The following EPG5 variants were observed in gnomAD, a reference collection of about 807,000 sequenced individuals.
EPG5 encodes ectopic P granules protein 5 homolog.
EPG5 carries 159 observed loss-of-function variants against 302.7 expected under a neutral mutation model. The ratio of observed to expected loss-of-function variants is 0.53; its 90% CI spans 0.46 to 0.60. The LOEUF is 0.60. EPG5 is among the 20% of genes least tolerant of loss of function. EPG5 has a pLI of 0.00. For missense variants in EPG5, 2,896 were observed against 3,092.4 expected (o/e 0.94, Z 1.51); for synonymous variants, 1,158 against 1,136.8 (o/e 1.02, Z -0.37).
chr18:45,899,287 T>G, intron 27 of EPG5, 117 bp downstream of exon 27: 2 of 1,230,750 alleles, frequency 1.6e-6, no homozygotes, highest in Non-Finnish European at 2.3e-6. Flanking sequence ...GCAAAACTAG[T>G]AAATGTTTGG....
intron 27 of EPG5, among the ~76,000 whole-genome samples, chr18:45,896,234 C>T (rs950203699): frequency 6.6e-6 from 1 of 152,178 alleles, no homozygotes; most frequent in Non-Finnish European, 1.5e-5. Flanking sequence ...GGCAAATCTG[C>T]GTTATCAGGC....
At chr18:45,951,040 ATAATTCC>A in intron 4 of EPG5, 55 bp downstream of exon 4, 1 of 1,321,090 alleles carries the variant, frequency 7.6e-7, no homozygotes, top group Non-Finnish European at 1.0e-6. Context: ...GATATAACAG[ATAATTCC>A]TAAATTATGA....
At chr18:45,839,750 A>G in the EPG5 span, among the ~76,000 whole-genome samples, 1 of 152,190 alleles carries the variant, frequency 6.6e-6, no homozygotes, top group South Asian at 2.1e-4. Context: ...TGGATTGACT[A>G]ACAGGGTGTC....
chr18:45,818,742 T>TTG, the EPG5 span, among the ~76,000 whole-genome samples: 1 of 147,586 alleles, frequency 6.8e-6, no homozygotes, highest in Admixed American at 6.8e-5. Flanking sequence ...CTTTTTTTTT[T>TTG]TTTTTTTTTG....
intron 36 of EPG5, among the ~76,000 whole-genome samples, chr18:45,870,275 G>T (rs113940343): frequency 1.3e-5 from 2 of 152,106 alleles, no homozygotes; most frequent in Non-Finnish European, 2.9e-5. Context: ...CCAAGATTAA[G>T]CATAACGGAG....
rs979354405 is a variant in EPG5, at chr18:45,880,204, C to G, written c.5538G>C (p.Leu1846=). Residue 1846 remains leucine, a synonymous_variant, in exon 32 of 44, where the codon CTG becomes CTC. Transcript: ENST00000282041. ...LLMQSSAEQL[L]SPECWKATLR... ...GAGTGGCCTTCCAACACTCGGGGCTCAGAAGCTGCTCCGCGGAGCCTGCCA... is the reference window on the plus strand; with the variant it reads ...GAGTGGCCTTCCAACACTCGGGGCTGAGAAGCTGCTCCGCGGAGCCTGCCA... 6.2e-7 allele frequency: 1 copy of G among 1,603,238 alleles called. No individual in the cohort carries two copies. Among genetic ancestry groups the G allele is most frequent in the Non-Finnish European group, 8.5e-7 (1 of 1,173,582 alleles).
intron 10 of EPG5, among the ~76,000 whole-genome samples, chr18:45,937,985 T>A (rs2050575198): frequency 6.6e-6 from 1 of 152,096 alleles, no homozygotes; most frequent in Admixed American, 6.6e-5. Flanking sequence ...GGATGAGAGC[T>A]TTGCCTCTCC....
rs114128653 is a variant in EPG5 at position 45,901,833 on chromosome 18, T to G, written c.4475-666A>C. ...TCTACCATGCAACTTTGCCCTAGAT[T>G]ACACATGATCTCATACTGTTTAATC... On this transcript the variant is annotated intron_variant, in intron 25 of 43. Coordinates refer to ENST00000282041, the MANE Select transcript of EPG5 (RefSeq NM_020964.3). Among the ~76,000 whole-genome samples, 1,001 of 151,982 alleles carry G rather than the reference T, an allele frequency of 6.6e-3. 14 individuals are homozygous for G. The highest frequency in any genetic ancestry group is 0.023 in the African/African-American group (962 of 41,394).
the EPG5 span, among the ~76,000 whole-genome samples, chr18:45,839,951 C>T: frequency 6.6e-6 from 1 of 152,116 alleles, no homozygotes; most frequent in African/African-American, 2.4e-5. Flanking sequence ...TTGCCCGTTT[C>T]TTGGAACTCA....
At chr18:45,820,695 G>T in the EPG5 span, among the ~76,000 whole-genome samples, 1 of 152,130 alleles carries the variant, frequency 6.6e-6, no homozygotes, top group Non-Finnish European at 1.5e-5. Flanking sequence ...GTGGCAGGTG[G>T]CTGAGAGAGG....
In EPG5 at chr18:45,905,558, C is replaced by A. The variant is rs146684852; in HGVS notation, c.4330-1441G>T. On this transcript the variant is annotated intron_variant, in intron 24 of 43. Coordinates refer to ENST00000282041, the MANE Select transcript of EPG5 (RefSeq NM_020964.3). ...TTAAATAGGGTCACTCTGTCACTTT[C>A]TCTGCCTTTATGCCAAGTAACTGTT... 4.5e-3 allele frequency among the ~76,000 whole-genome samples: 678 copies of A among 152,306 alleles called. 5 individuals carry two copies. The highest frequency in any genetic ancestry group is 0.016 in the African/African-American group (646 of 41,566).
At chr18:45,964,147 G>C (rs1318631387) in intron 1 of EPG5, among the ~76,000 whole-genome samples, 2 of 152,194 alleles carry the variant, frequency 1.3e-5, no homozygotes, top group African/African-American at 4.8e-5. Flanking sequence ...GGTTTTTCAT[G>C]ATGGATCTAA....
At chr18:45,895,779 A>T (rs967653518) in intron 27 of EPG5, among the ~76,000 whole-genome samples, 5 of 152,206 alleles carry the variant, frequency 3.3e-5, no homozygotes, top group Non-Finnish European at 7.3e-5. Context: ...TATGTATAAA[A>T]ATAACACAAC....
intron 24 of EPG5, 34 bp downstream of exon 24, chr18:45,907,920 TAAAA>T (rs542412749): frequency 3.9e-3 from 5,224 of 1,334,422 alleles, no homozygotes; most frequent in South Asian, 5.7e-3. Context: ...TCAGATATGC[TAAAA>T]AAAAAAAAAA....
chr18:45,912,146 A>G, intron 22 of EPG5, 144 bp downstream of exon 22: 1 of 690,594 alleles, frequency 1.4e-6, no homozygotes, highest in South Asian at 3.5e-5. Context: ...ATAAATGTCA[A>G]ACATAGAGAC....
chr18:45,869,402 A>G (rs1403865583), intron 36 of EPG5, among the ~76,000 whole-genome samples: 1 of 152,176 alleles, frequency 6.6e-6, no homozygotes, highest in East Asian at 1.9e-4. Flanking sequence ...TGCCAACAAG[A>G]CACAAAGAAT....
intron 13 of EPG5, among the ~76,000 whole-genome samples, chr18:45,926,899 T>G (rs1289461084): frequency 6.6e-6 from 1 of 151,878 alleles, no homozygotes; most frequent in Non-Finnish European, 1.5e-5. Context: ...TATGATCCAC[T>G]GTACATTTCT....
At chr18:45,907,858 T>C (rs2049791542) in intron 24 of EPG5, 100 bp downstream of exon 24, 2 of 1,214,444 alleles carry the variant, frequency 1.6e-6, no homozygotes, top group Non-Finnish European at 2.2e-6. Flanking sequence ...TGACTACCCA[T>C]TTTCTTATCA....
chr18:45,859,173 A>G (rs2048580913), intron 40 of EPG5, among the ~76,000 whole-genome samples: 1 of 152,344 alleles, frequency 6.6e-6, no homozygotes, highest in East Asian at 1.9e-4. Flanking sequence ...ACATATGAAC[A>G]CTTATGCTTT....
Sources: gnomAD v4.1 joint callset for allele counts (sites outside exome capture counted in the v4.1 genomes callset) on GRCh38, gnomAD v4.1.1 for gene constraint, MANE v1.5 for transcripts, NCBI Gene and HGNC (gene_info 2026-07-23, HGNC 2026-07-21) for gene names.